The following TMEM232 variants were observed in gnomAD, a reference collection of about 807,000 sequenced individuals.
The protein encoded by TMEM232 is transmembrane protein 232.
TMEM232 carries 80 observed loss-of-function variants against 78.8 expected under a neutral mutation model. The observed-to-expected ratio is 1.01, with a 90% confidence interval of 0.85 to 1.22. The LOEUF is 1.22. Among genes scored for constraint, TMEM232 ranks in the 50% most tolerant of loss-of-function variants. The pLI is 0.00. For missense variants in TMEM232, 881 were observed against 742.2 expected (o/e 1.19, Z -2.17); for synonymous variants, 297 against 254.3 (o/e 1.17, Z -1.60).
chr5:110,650,851 G>A (rs892835823), intron 2 of TMEM232, among the ~76,000 whole-genome samples: 5 of 152,082 alleles, frequency 3.3e-5, no homozygotes, highest in Non-Finnish European at 7.4e-5. Context: ...GTTCAATATT[G>A]CGACAAATGT....
intron 11 of TMEM232, among the ~76,000 whole-genome samples, chr5:110,533,611 C>T (rs1348350689): frequency 1.3e-5 from 2 of 152,138 alleles, no homozygotes; most frequent in African/African-American, 4.8e-5. Context: ...ACTTTCTGCT[C>T]CCCGGCTCCT....
At chr5:110,545,987 T>A (rs926453783) in intron 11 of TMEM232, among the ~76,000 whole-genome samples, 2 of 152,108 alleles carry the variant, frequency 1.3e-5, no homozygotes, top group African/African-American at 4.8e-5. Flanking sequence ...CCACTGTGAG[T>A]ATATGACAGT....
chr5:110,663,869 T>C (rs757365791), intron 2 of TMEM232, among the ~76,000 whole-genome samples: 25 of 152,066 alleles, frequency 1.6e-4, no homozygotes, highest in Admixed American at 3.3e-4. Flanking sequence ...CTGGGCACAA[T>C]GGCTCACATC....
At chr5:110,437,281 T>C (rs1580677714) in intron 12 of TMEM232, among the ~76,000 whole-genome samples, 2 of 151,970 alleles carry the variant, frequency 1.3e-5, no homozygotes, top group African/African-American at 2.4e-5. Context: ...AGTATACCCA[T>C]GTAACAAGCC....
chr5:110,397,689 A>G (rs1580550682), intron 3 of TMEM232: 1 of 136,440 alleles, frequency 7.3e-6, no homozygotes, highest in Admixed American at 8.0e-5. Context: ...CATTTATAAG[A>G]ATAAGTTGGT....
intron 1 of TMEM232, among the ~76,000 whole-genome samples, chr5:110,683,516 C>T (rs985539274): frequency 7.2e-5 from 11 of 151,762 alleles, no homozygotes; most frequent in South Asian, 2.1e-4. Context: ...ATAACCAGCA[C>T]GCTTAAACAA....
intron 11 of TMEM232, among the ~76,000 whole-genome samples, chr5:110,542,314 A>C (rs1455503900): frequency 6.6e-6 from 1 of 152,198 alleles, no homozygotes; most frequent in Non-Finnish European, 1.5e-5. Flanking sequence ...CTAACTAAGC[A>C]GAATGTTTTA....
chr5:110,667,173 T>C (rs1790704128), intron 2 of TMEM232, 55 bp downstream of exon 2: 3 of 1,375,980 alleles, frequency 2.2e-6, no homozygotes, highest in Admixed American at 6.7e-5. Context: ...CAGTTTTCTA[T>C]ATTTTCTAAA....
chr5:110,738,904 C>G, upstream of TMEM232: 2 of 1,296,258 alleles, frequency 1.5e-6, no homozygotes, highest in Non-Finnish European at 1.0e-6. Flanking sequence ...GTCCAGGTTA[C>G]CGCCGCGTCT....
chr5:110,425,700 A>T (rs192979410), intron 12 of TMEM232, among the ~76,000 whole-genome samples: 1 of 152,068 alleles, frequency 6.6e-6, no homozygotes, highest in Non-Finnish European at 1.5e-5. Context: ...AATCTTCCCA[A>T]TTACCTTCAT....
intron 2 of TMEM232, among the ~76,000 whole-genome samples, chr5:110,647,159 T>G (rs536047856): frequency 6.6e-6 from 1 of 151,930 alleles, no homozygotes; most frequent in Non-Finnish European, 1.5e-5. Flanking sequence ...AACTTGAAAC[T>G]TTCTCAGTAA....
chr5:110,591,840 TTAAA>T (rs1779579285), intron 10 of TMEM232, among the ~76,000 whole-genome samples: 1 of 152,148 alleles, frequency 6.6e-6, no homozygotes, highest in African/African-American at 2.4e-5. Flanking sequence ...TAATTTTCAG[TTAAA>T]TAAAGCAGAA....
intron 12 of TMEM232, among the ~76,000 whole-genome samples, chr5:110,509,478 T>C (rs912588614): frequency 2.0e-5 from 3 of 152,128 alleles, no homozygotes; most frequent in Admixed American, 6.6e-5. Context: ...CAAACAGCTG[T>C]AAACCTGTCA....
intron 3 of TMEM232, among the ~76,000 whole-genome samples, chr5:110,393,547 T>G (rs1044408696): frequency 3.3e-5 from 5 of 152,350 alleles, no homozygotes; most frequent in Non-Finnish European, 5.9e-5. Context: ...TAACTATAGA[T>G]AGCATATAAT....
At chr5:110,479,710 T>G (rs1434581368) in intron 12 of TMEM232, among the ~76,000 whole-genome samples, 1 of 151,828 alleles carries the variant, frequency 6.6e-6, no homozygotes, top group African/African-American at 2.4e-5. Flanking sequence ...CTTAATAGTC[T>G]CTGTTTTGTG....
At chr5:110,693,056 G>C (rs1489505504) in intron 1 of TMEM232, among the ~76,000 whole-genome samples, 1 of 152,178 alleles carries the variant, frequency 6.6e-6, no homozygotes, top group Non-Finnish European at 1.5e-5. Flanking sequence ...GCACCCCCCA[G>C]TAGGGGCGGT....
intron 12 of TMEM232, among the ~76,000 whole-genome samples, chr5:110,446,036 C>A (rs182004024): frequency 6.6e-6 from 1 of 152,268 alleles, no homozygotes; most frequent in African/African-American, 2.4e-5. Flanking sequence ...GCTAGGATCA[C>A]CGGAGGCCAT....
At chr5:110,650,077 G>A (rs1365913845) in intron 2 of TMEM232, among the ~76,000 whole-genome samples, 1 of 151,888 alleles carries the variant, frequency 6.6e-6, no homozygotes, top group Non-Finnish European at 1.5e-5. Context: ...ATGGTAACTG[G>A]TACTACTATC....
intron 11 of TMEM232, among the ~76,000 whole-genome samples, chr5:110,567,920 A>G (rs979825311): frequency 1.3e-5 from 2 of 151,900 alleles, no homozygotes. Context: ...TTTGAATCTT[A>G]CCAACAGCCT....
Sources: gnomAD v4.1 joint callset for allele counts (sites outside exome capture counted in the v4.1 genomes callset) on GRCh38, gnomAD v4.1.1 for gene constraint, MANE v1.5 for transcripts, NCBI Gene and HGNC (gene_info 2026-07-23, HGNC 2026-07-21) for gene names.